Variants in OTOA observed in about 807,000 individuals in gnomAD.
The protein encoded by OTOA is cancer/testis antigen 108.
Under a neutral mutation model 110.8 loss-of-function variants are expected in OTOA, and 70 were observed. That is an observed-to-expected ratio of 0.63 (90% CI 0.52 to 0.77). OTOA has a LOEUF of 0.77. Ranked by LOEUF, OTOA falls within the 30% of genes least tolerant of loss-of-function variation. The probability of loss-of-function intolerance (pLI) is 0.00; values close to 1 mark genes in which losing one functional copy is unlikely to be tolerated. For missense variants in OTOA, 917 were observed against 1,075.8 expected, an observed-to-expected ratio of 0.85 and a Z score of 2.06; for synonymous variants, 373 against 431.5, an observed-to-expected ratio of 0.86 and a Z score of 1.68.
At chr16:21,664,518 AATG>A (rs1966827225) in intron 1 of OTOA, among the ~76,000 whole-genome samples, 1 of 152,192 alleles carries the variant, frequency 6.6e-6, no homozygotes, top group Admixed American at 6.5e-5. Flanking sequence ...TAACTATCAC[AATG>A]ATTATTTGTT....
intron 13 of OTOA, among the ~76,000 whole-genome samples, chr16:21,710,484 T>C (rs1039673806): frequency 6.6e-6 from 1 of 152,142 alleles, no homozygotes; most frequent in African/African-American, 2.4e-5. Flanking sequence ...GCCATCACAT[T>C]AGGGGTTAGG....
intron 15 of OTOA, among the ~76,000 whole-genome samples, chr16:21,717,667 GA>G (rs1306114235): frequency 6.6e-6 from 1 of 152,152 alleles, no homozygotes; most frequent in East Asian, 1.9e-4. Flanking sequence ...CGCTTGGGGG[GA>G]TGGTGCTGTT....
At position 21,728,517 on chromosome 16, in the gene OTOA, G is replaced by T. The variant is rs1011306448; in HGVS notation, c.2207+86G>T. 5 of 1,464,436 alleles carry T rather than the reference G, an allele frequency of 3.4e-6. No individual in the cohort carries two copies. The African/African-American group carries it at 7.0e-5, about 21-fold the overall frequency. The allele number at this position is 1,464,436 out of a possible 1,614,324, so 90.7% of individuals were successfully genotyped here. On this transcript the variant is annotated intron_variant, in intron 20 of 28. Coordinates refer to ENST00000646100, the MANE Select transcript of OTOA (RefSeq NM_144672.4). ...CCTTGGCTCTCCTGCCCTGCAAACA[G>T]AGTCTCTGGCTTAGGATGAGATAAA... is the stretch of plus-strand genomic sequence containing the variant.
intron 8 of OTOA, among the ~76,000 whole-genome samples, chr16:21,690,010 A>C (rs1897796542): frequency 6.6e-6 from 1 of 152,030 alleles, no homozygotes; most frequent in African/African-American, 2.4e-5. Context: ...AAATGGGTGA[A>C]TTGTAAGGTG....
chr16:21,704,734 G>A (rs573307388), intron 11 of OTOA, among the ~76,000 whole-genome samples: 13 of 152,286 alleles, frequency 8.5e-5, no homozygotes, highest in Non-Finnish European at 1.2e-4. Context: ...AACGGTTACT[G>A]TGAATCAACT....
At position 21,701,001 on chromosome 16, in the gene OTOA, C is replaced by T; in HGVS notation, c.954C>T (p.Asn318=). The change falls in exon 11 of 29, where the codon AAC becomes AAT. Residue 318 remains asparagine, a synonymous_variant. Coordinates refer to ENST00000646100, the MANE Select transcript of OTOA (RefSeq NM_144672.4). ...FLERISSSNF[N]MRNTSTIHRL... is the part of the protein sequence containing the mutation. ...AGAGGATCAGCTCCTCCAACTTTAA[C>T]ATGAGGAATACCTCCACCATCCACA... 6.2e-7 allele frequency: 1 copy of T among 1,614,188 alleles called. No individual in the cohort carries two copies. Among genetic ancestry groups the T allele is most frequent in the Non-Finnish European group, 8.5e-7 (1 of 1,180,022 alleles).
chr16:21,712,512 G>A (rs138866124), intron 13 of OTOA, among the ~76,000 whole-genome samples: 144 of 151,820 alleles, frequency 9.5e-4, no homozygotes, highest in South Asian at 9.4e-3. Context: ...CATTTTGCTT[G>A]TTCTAAAGCA....
At chr16:21,677,968 C>T (rs1567362373) in intron 1 of OTOA, among the ~76,000 whole-genome samples, 1 of 152,030 alleles carries the variant, frequency 6.6e-6, no homozygotes, top group Non-Finnish European at 1.5e-5. Context: ...CTCACTGCAA[C>T]CTCTACCTCA....
At chr16:21,749,203 T>C (rs1473355694) in intron 24 of OTOA, among the ~76,000 whole-genome samples, 2 of 135,242 alleles carry the variant, frequency 1.5e-5, no homozygotes, top group African/African-American at 5.0e-5. Context: ...CTTAATGATC[T>C]ATATTGTGTG....
At chr16:21,732,514 G>A (rs1271367056) in intron 21 of OTOA, among the ~76,000 whole-genome samples, 1 of 151,984 alleles carries the variant, frequency 6.6e-6, no homozygotes, top group African/African-American at 2.4e-5. Context: ...AGTCCCCAAA[G>A]CCCATTGTAT....
intron 28 of OTOA, among the ~76,000 whole-genome samples, chr16:21,759,132 G>A (rs1416024919): frequency 5.9e-5 from 9 of 152,138 alleles, no homozygotes; most frequent in African/African-American, 7.2e-5. Context: ...ACAGGGTTCC[G>A]AATATATAAA....
intron 8 of OTOA, 72 bp downstream of exon 8, chr16:21,687,720 T>C: frequency 4.6e-6 from 6 of 1,291,358 alleles, no homozygotes; most frequent in Non-Finnish European, 6.5e-6. Flanking sequence ...CAGGTTGGAG[T>C]GCAGTGGTGC....
At chr16:21,714,946 C>T (rs577659526) in intron 13 of OTOA, 39 bp from the exon 14 acceptor site, 22 of 1,612,782 alleles carry the variant, frequency 1.4e-5, no homozygotes, top group South Asian at 7.7e-5. Flanking sequence ...AGGTGAAAGG[C>T]GGGAGCAGAG....
chr16:21,721,539 T>C (rs756844489), intron 17 of OTOA: 64 of 454,406 alleles, frequency 1.4e-4, no homozygotes, highest in South Asian at 9.6e-4. Flanking sequence ...AGCAACTGTG[T>C]TTCAGAGGTA....
At chr16:21,685,011 A>G (rs1019580697) in intron 6 of OTOA, among the ~76,000 whole-genome samples, 1 of 151,912 alleles carries the variant, frequency 6.6e-6, no homozygotes, top group African/African-American at 2.4e-5. Context: ...CGGCCTCCCA[A>G]AGTGCTGGGA....
At chr16:21,696,690 C>A in intron 9 of OTOA, among the ~76,000 whole-genome samples, 1 of 152,004 alleles carries the variant, frequency 6.6e-6, no homozygotes, top group South Asian at 2.1e-4. Flanking sequence ...CTGCCTCAGC[C>A]TCCCAAGTAG....
At position 21,691,679 on chromosome 16, in the gene OTOA, A is replaced by G. The variant is rs945820630; in HGVS notation, c.731A>G (p.Asn244Ser). ...ACTGGAATACTGCAGACATCCTCCA[A>G]TGCCACTGGTGAGCCTGTACTTGGA... is the stretch of plus-strand genomic sequence containing the variant. ...WMTGILQTSSNATDDSASWVS... is the reference protein window; with the variant it reads ...WMTGILQTSSSATDDSASWVS... The change falls in exon 9 of 29, where the codon AAT becomes AGT. Residue 244 changes from asparagine to serine, a missense_variant. Coordinates refer to ENST00000646100, the MANE Select transcript of OTOA (RefSeq NM_144672.4). The G allele has an allele frequency of 3.1e-6, 5 of 1,613,092 alleles. No individual in the cohort carries two copies. The highest frequency in any genetic ancestry group is 4.2e-6 in the Non-Finnish European group (5 of 1,179,218).
At chr16:21,686,808 G>T (rs1303170395) in intron 7 of OTOA, among the ~76,000 whole-genome samples, 2 of 152,048 alleles carry the variant, frequency 1.3e-5, no homozygotes, top group South Asian at 4.1e-4. Flanking sequence ...TGGGAGGATC[G>T]CTCAATCCCA....
At chr16:21,691,783 C>T (rs1897835149) in intron 9 of OTOA, 96 bp downstream of exon 9, 3 of 1,193,850 alleles carry the variant, frequency 2.5e-6, no homozygotes, top group African/African-American at 3.0e-5. Context: ...ATGTTGTTCT[C>T]TTCTGATTTT....
Sources: allele counts gnomAD v4.1 joint callset (sites outside exome capture counted in the v4.1 genomes callset), GRCh38; gene constraint gnomAD v4.1.1; transcripts MANE v1.5; gene names NCBI Gene and HGNC (gene_info 2026-07-23, HGNC 2026-07-21).